The following FBXW11 variants were observed in gnomAD, a reference collection of about 807,000 sequenced individuals.
FBXW11 encodes F-box and WD repeat domain containing 11.
Under a neutral mutation model 77.6 loss-of-function variants are expected in FBXW11, and 19 were observed. The observed-to-expected ratio is 0.24, with a 90% CI of 0.17 to 0.36. The LOEUF is 0.36. Ranked by LOEUF, FBXW11 falls within the 10% of genes least tolerant of loss-of-function variation. The probability of loss-of-function intolerance (pLI) is 1.00; values close to 1 mark genes in which losing one functional copy is unlikely to be tolerated. For synonymous variants in FBXW11, 235 were observed against 249.4 expected (o/e 0.94, Z 0.54); for missense variants, 334 against 704.2 (o/e 0.47, Z 5.95).
chr5:171,983,919 C>A (rs1427223712), intron 1 of FBXW11, among the ~76,000 whole-genome samples: 1 of 151,822 alleles, frequency 6.6e-6, no homozygotes, highest in African/African-American at 2.4e-5. Flanking sequence ...TACTCAGCAA[C>A]CCAAGCATTT....
At chr5:171,892,656 G>C (rs1332416121) in intron 6 of FBXW11, among the ~76,000 whole-genome samples, 1 of 152,202 alleles carries the variant, frequency 6.6e-6, no homozygotes, top group African/African-American at 2.4e-5. Flanking sequence ...TAGTGAAGAA[G>C]TAGGTCATAC....
At chr5:171,887,490 C>A (rs1758992172) in intron 7 of FBXW11, among the ~76,000 whole-genome samples, 1 of 151,892 alleles carries the variant, frequency 6.6e-6, no homozygotes, top group African/African-American at 2.4e-5. Context: ...CCACTACAAT[C>A]TATCTCTCCA....
At chr5:171,974,669 C>T (rs944069473) in intron 1 of FBXW11, among the ~76,000 whole-genome samples, 2 of 152,048 alleles carry the variant, frequency 1.3e-5, no homozygotes, top group African/African-American at 2.4e-5. Flanking sequence ...CAGTGTGCTA[C>T]GACTGCACCT....
At chr5:171,954,026 C>G (rs1008110494) in intron 2 of FBXW11, among the ~76,000 whole-genome samples, 3 of 152,150 alleles carry the variant, frequency 2.0e-5, no homozygotes, top group Admixed American at 2.0e-4. Flanking sequence ...TTCACGTGAT[C>G]CTCACTGTCA....
At chr5:172,003,608 GC>G (rs1393321508) in intron 1 of FBXW11, among the ~76,000 whole-genome samples, 1 of 152,124 alleles carries the variant, frequency 6.6e-6, no homozygotes, top group East Asian at 1.9e-4. Flanking sequence ...TAAATTAAGA[GC>G]TTATAGACTT....
At chr5:171,987,076 C>A (rs920123809) in intron 1 of FBXW11, among the ~76,000 whole-genome samples, 1 of 152,182 alleles carries the variant, frequency 6.6e-6, no homozygotes, top group Non-Finnish European at 1.5e-5. Flanking sequence ...TTAAGAGAAT[C>A]CAGCTAATGC....
In FBXW11 at chr5:171,861,699, TTTG is replaced by T. The variant is rs1416891809; in HGVS notation, c.*2425_*2427del. Reference sequence around the variant, plus strand: ...ATTTACTGGACAAAAGTCAAACTTTTTTGTTTTTTATTAAGCACATTCCACAGT... The same window carrying T: ...ATTTACTGGACAAAAGTCAAACTTTTTTTTTTATTAAGCACATTCCACAGT... On this transcript the variant is annotated 3_prime_UTR_variant, in exon 14 of 14. Transcript: ENST00000517395. The T allele has an allele frequency of 6.5e-6, 1 of 152,684 alleles. No homozygotes were observed. The highest frequency in any genetic ancestry group is 1.5e-5 in the Non-Finnish European group (1 of 68,052). 9.5% of individuals were successfully genotyped at this position (152,684 alleles called of 1,614,324 possible).
chr5:171,893,605 G>A (rs1343519974), intron 6 of FBXW11, among the ~76,000 whole-genome samples: 4 of 152,058 alleles, frequency 2.6e-5, no homozygotes, highest in Admixed American at 6.6e-5. Flanking sequence ...TAGTGACTGT[G>A]CCATCTCAGC....
intron 2 of FBXW11, among the ~76,000 whole-genome samples, chr5:171,957,213 A>G (rs1023433491): frequency 3.3e-5 from 5 of 152,230 alleles, no homozygotes; most frequent in African/African-American, 1.2e-4. Flanking sequence ...GAGTTTCAAA[A>G]TAGAAAAAAA....
intron 6 of FBXW11, among the ~76,000 whole-genome samples, chr5:171,893,135 T>TCGATACA (rs1561656388): frequency 6.6e-6 from 1 of 152,110 alleles, no homozygotes; most frequent in Non-Finnish European, 1.5e-5. Context: ...GTTGGAGATA[T>TCGATACA]CGATACACGT....
chr5:171,948,050 A>C (rs1219339106), intron 2 of FBXW11, among the ~76,000 whole-genome samples: 2 of 152,086 alleles, frequency 1.3e-5, no homozygotes, highest in Admixed American at 1.3e-4. Context: ...CCTGGCCAAC[A>C]GAGTGAAACC....
intron 2 of FBXW11, among the ~76,000 whole-genome samples, chr5:171,945,190 T>C (rs1031107305): frequency 6.6e-6 from 1 of 152,236 alleles, no homozygotes; most frequent in Non-Finnish European, 1.5e-5. Context: ...CAGGAAGCTA[T>C]TTTCAATTGG....
intron 4 of FBXW11, among the ~76,000 whole-genome samples, chr5:171,907,818 C>T (rs1359696657): frequency 1.3e-5 from 2 of 152,160 alleles, no homozygotes; most frequent in Admixed American, 6.5e-5. Context: ...AACACATGTT[C>T]ATCTGTTCTG....
intron 1 of FBXW11, among the ~76,000 whole-genome samples, chr5:171,964,080 G>C (rs1399520983): frequency 6.6e-6 from 1 of 152,204 alleles, no homozygotes; most frequent in Non-Finnish European, 1.5e-5. Context: ...ATGATTTGCA[G>C]AGAAATAAGG....
intron 2 of FBXW11, among the ~76,000 whole-genome samples, chr5:171,922,348 A>G (rs1303005995): frequency 6.6e-6 from 1 of 152,224 alleles, no homozygotes; most frequent in East Asian, 1.9e-4. Context: ...ATGACTGGTA[A>G]AGGCAAACCA....
intron 6 of FBXW11, among the ~76,000 whole-genome samples, chr5:171,891,861 C>T (rs1759369203): frequency 6.6e-6 from 1 of 152,006 alleles, no homozygotes; most frequent in South Asian, 2.1e-4. Flanking sequence ...AAAAAACTGG[C>T]CTAGACAGAA....
chr5:171,961,747 A>G (rs1450346369), intron 1 of FBXW11, among the ~76,000 whole-genome samples: 1 of 152,158 alleles, frequency 6.6e-6, no homozygotes, highest in Non-Finnish European at 1.5e-5. Context: ...CTCAGGTTCA[A>G]GCAATTCTCC....
chr5:171,968,456 C>CA (rs70982358), intron 1 of FBXW11, among the ~76,000 whole-genome samples: 107,131 of 133,646 alleles, frequency 0.8, 44,134 homozygotes, highest in East Asian at 0.96. Context: ...GACTCTGTCT[C>CA]AAAAAAAAAA....
chr5:171,896,098 A>G (rs532464674), intron 6 of FBXW11, among the ~76,000 whole-genome samples: 1 of 152,228 alleles, frequency 6.6e-6, no homozygotes, highest in African/African-American at 2.4e-5. Context: ...AATTAAGCCA[A>G]TTTTCGGTGG....
Sources: gnomAD v4.1 joint callset for allele counts (sites outside exome capture counted in the v4.1 genomes callset) on GRCh38, gnomAD v4.1.1 for gene constraint, MANE v1.5 for transcripts, NCBI Gene and HGNC (gene_info 2026-07-23, HGNC 2026-07-21) for gene names.